The following DGLUCY variants were observed in gnomAD, a reference collection of about 807,000 sequenced individuals.
The protein encoded by DGLUCY is D-glutamate cyclase, mitochondrial.
Under a neutral mutation model 58.5 loss-of-function variants are expected in DGLUCY, and 58 were observed. The observed-to-expected ratio is 0.99, with a 90% CI of 0.80 to 1.23. The LOEUF (loss-of-function observed/expected upper bound fraction) is 1.23, where lower values mean the gene tolerates loss of function less well. DGLUCY is among the 50% of genes most tolerant of loss of function. The probability of loss-of-function intolerance (pLI) is 0.00; values close to 1 mark genes in which losing one functional copy is unlikely to be tolerated. For synonymous variants in DGLUCY, 325 were observed against 314.1 expected, an observed-to-expected ratio of 1.03 and a Z score of -0.37; for missense variants, 779 against 784.7, an observed-to-expected ratio of 0.99 and a Z score of 0.09.
intron 7 of DGLUCY, among the ~76,000 whole-genome samples, chr14:91,178,087 A>T (rs1217506398): frequency 6.6e-6 from 1 of 152,198 alleles, no homozygotes; most frequent in Non-Finnish European, 1.5e-5. Flanking sequence ...CCAGTCCTTT[A>T]GTTCTGACAG....
At chr14:91,201,370 C>T (rs1197724305) in intron 11 of DGLUCY, among the ~76,000 whole-genome samples, 3 of 151,680 alleles carry the variant, frequency 2.0e-5, no homozygotes, top group African/African-American at 4.8e-5. Flanking sequence ...GCAATCTCGG[C>T]TCACTGCAAC....
At chr14:91,062,561 ATATATATAT>A (rs2043735268) in intron 1 of DGLUCY, among the ~76,000 whole-genome samples, 2 of 4,968 alleles carry the variant, frequency 4.0e-4, no homozygotes, top group African/African-American at 8.2e-4. Context: ...AAAAAAAAAT[ATATATATAT>A]ATATATATAT....
chr14:91,143,286 G>A (rs1469030150), intron 1 of DGLUCY, among the ~76,000 whole-genome samples: 2 of 151,748 alleles, frequency 1.3e-5, no homozygotes, highest in African/African-American at 4.8e-5. Flanking sequence ...TAGTAGAGAC[G>A]GGGTTTCAAT....
rs1415257241 is a variant in DGLUCY at position 91,225,131 on chromosome 14, G to A, written c.*298G>A. ...AGGCAACCCACGTGGTCTCCTGTGAGAATCTTCTCGACAGTTACTTATGGG... is the reference window on the plus strand; with the variant it reads ...AGGCAACCCACGTGGTCTCCTGTGAAAATCTTCTCGACAGTTACTTATGGG... On this transcript the variant is annotated 3_prime_UTR_variant, in exon 14 of 14. Transcript: ENST00000256324. The A allele has an allele frequency of 2.6e-5, 6 of 232,750 alleles. No homozygotes were observed. Among genetic ancestry groups the A allele is most frequent in the African/African-American group, 4.5e-5 (2 of 44,376 alleles). The allele number at this position is 232,750 out of a possible 1,614,324, so 14.4% of individuals were successfully genotyped here. A position where few individuals can be genotyped will look rare whatever the true frequency, so the allele number is the denominator to read the frequency against.
At chr14:91,065,480 G>A (rs1001636084) in intron 1 of DGLUCY, among the ~76,000 whole-genome samples, 2 of 152,052 alleles carry the variant, frequency 1.3e-5, no homozygotes, top group African/African-American at 2.4e-5. Flanking sequence ...GCTGAACATC[G>A]GGATCACCTG....
intron 1 of DGLUCY, among the ~76,000 whole-genome samples, chr14:91,079,461 C>T (rs2044088483): frequency 6.6e-6 from 1 of 151,604 alleles, no homozygotes. Flanking sequence ...TCAAGCAATT[C>T]TCCTGCCTCA....
At chr14:91,060,405 G>A (rs1277471045) in exon 1 of DGLUCY, 5 of 1,504,150 alleles carry the variant, frequency 3.3e-6, no homozygotes, top group East Asian at 2.7e-5. Context: ...TCCCCGCGGC[G>A]CCGCCGCTGC....
At chr14:91,144,341 C>G (rs1294909444) in intron 1 of DGLUCY, among the ~76,000 whole-genome samples, 1 of 152,136 alleles carries the variant, frequency 6.6e-6, no homozygotes, top group Non-Finnish European at 1.5e-5. Context: ...AGGTGGATCA[C>G]CTTAGGTCAG....
chr14:91,135,425 G>A (rs1263575889), intron 1 of DGLUCY, among the ~76,000 whole-genome samples: 1 of 152,048 alleles, frequency 6.6e-6, no homozygotes, highest in Non-Finnish European at 1.5e-5. Flanking sequence ...CAAAGCGGGC[G>A]GATCACCTGA....
At chr14:91,199,595 C>T (rs1051214978) in intron 10 of DGLUCY, among the ~76,000 whole-genome samples, 162 bp from the exon 11 acceptor site, 2 of 152,112 alleles carry the variant, frequency 1.3e-5, no homozygotes, top group African/African-American at 2.4e-5. Flanking sequence ...TAGTCTCCAG[C>T]ACAGGTCCTG....
At chr14:91,088,220 C>T (rs2044253235) in intron 1 of DGLUCY, among the ~76,000 whole-genome samples, 1 of 152,020 alleles carries the variant, frequency 6.6e-6, no homozygotes, top group South Asian at 2.1e-4. Context: ...AAACAGTGAC[C>T]CTGACCTCAA....
intron 8 of DGLUCY, among the ~76,000 whole-genome samples, chr14:91,186,652 C>A (rs2140487738): frequency 1.3e-5 from 2 of 152,264 alleles, no homozygotes; most frequent in East Asian, 3.9e-4. Flanking sequence ...ATCCTTATGA[C>A]TAAGTTTGTG....
chr14:91,197,460 G>T (rs1040177408), intron 10 of DGLUCY, among the ~76,000 whole-genome samples: 2 of 152,140 alleles, frequency 1.3e-5, no homozygotes, highest in African/African-American at 2.4e-5. Flanking sequence ...CACTCACATT[G>T]CTGTACAGCC....
At chr14:91,100,776 C>T (rs763498343) in intron 1 of DGLUCY, among the ~76,000 whole-genome samples, 3 of 152,056 alleles carry the variant, frequency 2.0e-5, no homozygotes, top group Non-Finnish European at 4.4e-5. Flanking sequence ...TCTTTTTTTA[C>T]AAATTTTATT....
chr14:91,103,341 C>T (rs2044526622), upstream of DGLUCY, among the ~76,000 whole-genome samples: 1 of 152,138 alleles, frequency 6.6e-6, no homozygotes, highest in Admixed American at 6.6e-5. Flanking sequence ...CAATCCTTCC[C>T]CCTTCTCCTT....
chr14:91,079,182 G>A (rs982354956), intron 1 of DGLUCY, among the ~76,000 whole-genome samples: 11 of 152,030 alleles, frequency 7.2e-5, no homozygotes, highest in Non-Finnish European at 1.3e-4. Context: ...GGGATTACAG[G>A]CACAAGCCAC....
intron 13 of DGLUCY, among the ~76,000 whole-genome samples, chr14:91,217,323 A>T (rs910405063): frequency 1.3e-5 from 2 of 151,926 alleles, no homozygotes; most frequent in Admixed American, 6.6e-5. Flanking sequence ...GTCTGGGGAG[A>T]TGGGAAAGCA....
intron 12 of DGLUCY, among the ~76,000 whole-genome samples, chr14:91,205,339 T>G (rs1250670247): frequency 6.6e-6 from 1 of 152,186 alleles, no homozygotes. Context: ...TGGGCTGCCC[T>G]GTGCCTCCCT....
intron 4 of DGLUCY, among the ~76,000 whole-genome samples, chr14:91,168,816 G>A (rs2048416712): frequency 1.3e-5 from 2 of 152,336 alleles, no homozygotes; most frequent in South Asian, 4.1e-4. Flanking sequence ...GATGGGCGCG[G>A]TGGCTCACGC....
Sources: gnomAD v4.1 joint callset for allele counts (sites outside exome capture counted in the v4.1 genomes callset) on GRCh38, gnomAD v4.1.1 for gene constraint, MANE v1.5 for transcripts, NCBI Gene and HGNC (gene_info 2026-07-23, HGNC 2026-07-21) for gene names.